The following SMIM27 variants were observed in gnomAD, a reference collection of about 807,000 sequenced individuals.
The protein encoded by SMIM27 is transition zone microprotein 1, also known as TOPORS antisense RNA 1 (non-protein coding).
SMIM27 carries 3 observed loss-of-function variants against 1.8 expected under a neutral mutation model. The ratio of observed to expected loss-of-function variants is 1.65; its 90% confidence interval spans 0.75 to 4.28. SMIM27 has a LOEUF of 4.28. Among genes scored for constraint, SMIM27 ranks in the 30% most tolerant of loss-of-function variants. The pLI, the probability that SMIM27 is intolerant of heterozygous loss-of-function variation, is 0.02. For synonymous variants in SMIM27, 19 were observed against 13.9 expected (o/e 1.37, Z -0.82); for missense variants, 63 against 37.0 (o/e 1.70, Z -1.83).
chr9:32,558,363 G>A (rs1235656047), intron 1 of SMIM27, among the ~76,000 whole-genome samples: 1 of 152,070 alleles, frequency 6.6e-6, no homozygotes, highest in African/African-American at 2.4e-5. Context: ...CACCCATCTT[G>A]GCCTCCCAAA....
chr9:32,566,433 G>A (rs202217879), exon 2 of SMIM27: 1 of 836,646 alleles, frequency 1.2e-6, no homozygotes, highest in Non-Finnish European at 2.1e-6. Flanking sequence ...TGTTACTGTA[G>A]GGGTTGATGG....
At chr9:32,560,979 G>T (rs1441586242) in intron 1 of SMIM27, among the ~76,000 whole-genome samples, 2 of 152,172 alleles carry the variant, frequency 1.3e-5, no homozygotes, top group Non-Finnish European at 2.9e-5. Context: ...AACTTTCACT[G>T]ACAGAAAGTA....
downstream of SMIM27, among the ~76,000 whole-genome samples, chr9:32,556,184 T>C (rs1313528485): frequency 1.3e-5 from 2 of 152,228 alleles, no homozygotes; most frequent in East Asian, 3.8e-4. Context: ...CAAGAGCTGT[T>C]TGGTGACTAG....
intron 1 of SMIM27, among the ~76,000 whole-genome samples, chr9:32,563,197 AAT>A (rs1821676810): frequency 1.3e-5 from 2 of 152,214 alleles, no homozygotes. Flanking sequence ...CATTATCAAT[AAT>A]GTTAATTTAG....
downstream of SMIM27, among the ~76,000 whole-genome samples, chr9:32,557,972 T>C (rs529643149): frequency 6.0e-4 from 92 of 152,290 alleles, no homozygotes; most frequent in African/African-American, 2.1e-3. Context: ...TGACTAGAAA[T>C]AGACAAGAAC....
chr9:32,561,566 C>A (rs1821626942), intron 1 of SMIM27, among the ~76,000 whole-genome samples: 1 of 152,006 alleles, frequency 6.6e-6, no homozygotes, highest in Non-Finnish European at 1.5e-5. Flanking sequence ...TGAGCTCAAG[C>A]AATCCACCCG....
intron 1 of SMIM27, among the ~76,000 whole-genome samples, chr9:32,564,147 C>A (rs115013377): frequency 6.6e-6 from 1 of 152,168 alleles, no homozygotes; most frequent in Non-Finnish European, 1.5e-5. Context: ...CGCATGCACA[C>A]ATCCACATTT....
intron 1 of SMIM27, among the ~76,000 whole-genome samples, chr9:32,560,275 T>A (rs1219526137): frequency 6.6e-6 from 1 of 152,236 alleles, no homozygotes; most frequent in African/African-American, 2.4e-5. Context: ...TGTCCATCTA[T>A]GGCTCAGGAA....
chr9:32,552,309 G>T (rs1331971191), upstream of SMIM27: 10 of 1,381,472 alleles, frequency 7.2e-6, no homozygotes, highest in Non-Finnish European at 1.0e-5. Flanking sequence ...GCTGCACGAA[G>T]CGAGTGGGCG....
chr9:32,558,925 C>T (rs780205126), intron 1 of SMIM27: 15 of 1,583,786 alleles, frequency 9.5e-6, no homozygotes, highest in Non-Finnish European at 1.3e-5. Flanking sequence ...ATATTCTGGA[C>T]TTCTTTTCAA....
At chr9:32,561,785 G>C (rs1002688620) in intron 1 of SMIM27, among the ~76,000 whole-genome samples, 6 of 152,078 alleles carry the variant, frequency 3.9e-5, no homozygotes, top group African/African-American at 1.4e-4. Context: ...TCTTCCTTTA[G>C]AAGTGTCTCT....
exon 2 of SMIM27, chr9:32,566,426 T>C: frequency 2.4e-6 from 2 of 850,686 alleles, no homozygotes; most frequent in Non-Finnish European, 4.1e-6. Flanking sequence ...CTCTCCCTGT[T>C]ACTGTAGGGG....
chr9:32,555,625 A>G (rs1466112900), downstream of SMIM27, among the ~76,000 whole-genome samples: 1 of 152,246 alleles, frequency 6.6e-6, no homozygotes, highest in Non-Finnish European at 1.5e-5. Context: ...TGGACAAACC[A>G]AACATATAGT....
chr9:32,556,846 CTTTTTTT>C (rs10703297), downstream of SMIM27, among the ~76,000 whole-genome samples: 15 of 82,384 alleles, frequency 1.8e-4, no homozygotes, highest in East Asian at 1.4e-3. Context: ...AAATCCCCTA[CTTTTTTT>C]TTTTTTTTTT....
chr9:32,565,300 AAAAG>A (rs1821750585), intron 1 of SMIM27: 1 of 152,202 alleles, frequency 6.6e-6, no homozygotes, highest in Non-Finnish European at 1.5e-5. Context: ...TCAAAAAAAA[AAAAG>A]AAAAAAATTC....
At chr9:32,562,365 C>A (rs1821650741) in intron 1 of SMIM27, among the ~76,000 whole-genome samples, 1 of 152,122 alleles carries the variant, frequency 6.6e-6, no homozygotes, top group African/African-American at 2.4e-5. Flanking sequence ...TGTCAGCAAT[C>A]AGAATTTTAA....
chr9:32,563,984 A>G (rs1207158691), intron 1 of SMIM27, among the ~76,000 whole-genome samples: 1 of 152,204 alleles, frequency 6.6e-6, no homozygotes, highest in Non-Finnish European at 1.5e-5. Context: ...CTCCCGCCCT[A>G]GAATTGGCCA....
chr9:32,558,982 T>C (rs1821553284), intron 1 of SMIM27: 2 of 1,515,138 alleles, frequency 1.3e-6, no homozygotes, highest in East Asian at 2.3e-5. Flanking sequence ...TCTGTGTTAA[T>C]TATGGTGTTA....
At chr9:32,560,793 AAGG>A (rs1821603517) in intron 1 of SMIM27, among the ~76,000 whole-genome samples, 1 of 152,358 alleles carries the variant, frequency 6.6e-6, no homozygotes, top group East Asian at 1.9e-4. Flanking sequence ...AGTAAAAACA[AAGG>A]AGATTATTCT....
Sources: gnomAD v4.1 joint callset for allele counts (sites outside exome capture counted in the v4.1 genomes callset) on GRCh38, gnomAD v4.1.1 for gene constraint, MANE v1.5 for transcripts, NCBI Gene and HGNC (gene_info 2026-07-23, HGNC 2026-07-21) for gene names.